RAB5C: variants seen among roughly 807,000 people sequenced by gnomAD.
RAB5C encodes ras-related protein Rab-5C.
In RAB5C, 4 loss-of-function variants were observed where a neutral mutation model predicts 25.2. The observed-to-expected ratio is 0.16, with a 90% CI of 0.08 to 0.36. The LOEUF (loss-of-function observed/expected upper bound fraction) is 0.36, where lower values mean the gene tolerates loss of function less well. Ranked by LOEUF, RAB5C falls within the 10% of genes least tolerant of loss-of-function variation. The pLI, the probability that RAB5C is intolerant of heterozygous loss-of-function variation, is 1.00. For synonymous variants in RAB5C, 100 were observed against 106.4 expected, an observed-to-expected ratio of 0.94 and a Z score of 0.37; for missense variants, 199 against 283.8, an observed-to-expected ratio of 0.70 and a Z score of 2.15.
chr17:42,137,318 A>G (rs1397537354), intron 1 of RAB5C, among the ~76,000 whole-genome samples: 6 of 152,164 alleles, frequency 3.9e-5, no homozygotes, highest in South Asian at 4.2e-4. Context: ...AAAAAAGAAA[A>G]AAAAAAAAAA....
chr17:42,150,729 G>A (rs1020111445), intron 1 of RAB5C, among the ~76,000 whole-genome samples: 121 of 150,898 alleles, frequency 8.0e-4, no homozygotes, highest in African/African-American at 2.7e-3. Context: ...AAAATTAGCC[G>A]GGCATGATGG....
At chr17:42,129,256 C>T (rs1424631829) in intron 2 of RAB5C, among the ~76,000 whole-genome samples, 1 of 152,140 alleles carries the variant, frequency 6.6e-6, no homozygotes, top group Non-Finnish European at 1.5e-5. Flanking sequence ...CCTTGGGTTT[C>T]CTAAGGACAT....
At chr17:42,128,526 A>G in intron 3 of RAB5C, 123 bp downstream of exon 3, 12 of 865,278 alleles carry the variant, frequency 1.4e-5, no homozygotes, top group East Asian at 4.0e-5. Flanking sequence ...CCAAACAGGA[A>G]ATCTGCCCAC....
intron 1 of RAB5C, among the ~76,000 whole-genome samples, chr17:42,150,682 A>G (rs1343728845): frequency 2.0e-5 from 3 of 150,336 alleles, no homozygotes; most frequent in Non-Finnish European, 4.4e-5. Context: ...CCTGGCCAAC[A>G]TGGTCAAACC....
chr17:42,148,808 T>C (rs987126951), intron 1 of RAB5C, among the ~76,000 whole-genome samples: 2 of 152,058 alleles, frequency 1.3e-5, no homozygotes, highest in Non-Finnish European at 2.9e-5. Flanking sequence ...AGCCCAGAGA[T>C]GGGTCAAGGA....
In RAB5C at chr17:42,125,685, C is replaced by T. The variant is rs1281866646; in HGVS notation, c.*98G>A. 4 of 794,678 alleles carry T rather than the reference C, an allele frequency of 5.0e-6. No individual in the cohort carries two copies. Among genetic ancestry groups the T allele is most frequent in the South Asian group, 3.3e-5 (2 of 60,128 alleles). 49.2% of individuals were successfully genotyped at this position (794,678 alleles called of 1,614,324 possible). A position where few individuals can be genotyped will look rare whatever the true frequency, so the allele number is the denominator to read the frequency against. On this transcript the variant is annotated 3_prime_UTR_variant, in exon 6 of 6. Coordinates refer to ENST00000346213, the MANE Select transcript of RAB5C (RefSeq NM_004583.4). ...TGGTGGACCCCTCCCCCTGCCCCCC[C>T]AGTGGTGGCCCGAGTCGTTAAGTGC...
At chr17:42,135,331 C>T (rs2054526405) in intron 1 of RAB5C, among the ~76,000 whole-genome samples, 2 of 149,048 alleles carry the variant, frequency 1.3e-5, no homozygotes, top group Non-Finnish European at 3.0e-5. Flanking sequence ...AATCACGATT[C>T]ACTGCAGCCT....
intron 1 of RAB5C, among the ~76,000 whole-genome samples, chr17:42,152,036 CT>C (rs939188199): frequency 2.0e-5 from 3 of 152,000 alleles, no homozygotes; most frequent in African/African-American, 7.3e-5. Flanking sequence ...AGCTCTACTA[CT>C]TTCTAAATGT....
At chr17:42,150,505 T>C (rs1283638975) in intron 1 of RAB5C, among the ~76,000 whole-genome samples, 34 of 129,014 alleles carry the variant, frequency 2.6e-4, no homozygotes, top group Non-Finnish European at 4.5e-4. Flanking sequence ...GATCACGCCA[T>C]TGCACTCCAG....
intron 1 of RAB5C, among the ~76,000 whole-genome samples, chr17:42,136,994 G>A (rs11079035): frequency 0.28 from 42,916 of 152,142 alleles, 8,331 homozygotes; most frequent in African/African-American, 0.56. Context: ...GAAAAAATGA[G>A]TTTCTATCAA....
In RAB5C at chr17:42,128,762, T is replaced by C; in HGVS notation, c.205A>G (p.Thr69Ala). ...LTQTVCLDDT[T>A]VKFEIWDTAG... is the part of the protein sequence containing the mutation. ...GTGTCCCAGATCTCAAACTTGACTGTTGTGTCATCCAGGCAGACAGTCTGT... is the reference window on the plus strand; with the variant it reads ...GTGTCCCAGATCTCAAACTTGACTGCTGTGTCATCCAGGCAGACAGTCTGT... Residue 69 changes from threonine (T) to alanine (A), a missense_variant, in exon 3 of 6, where the codon ACA becomes GCA. By Grantham distance (58) the Thr-to-Ala change is moderately conservative (BLOSUM62 0). Around this residue, in one of 3 missense-constraint regions of RAB5C, gnomAD observed 154 missense variants for 199.6 expected, o/e 0.77. Transcript: ENST00000346213. 1 of 1,580,626 alleles carries C rather than the reference T, an allele frequency of 6.3e-7. No homozygotes were observed.
rs1308221552 is a variant in RAB5C, at chr17:42,128,702, TG to T, written c.264del (p.Met89CysfsTer28). 3 of 1,562,956 alleles carry T rather than the reference TG, an allele frequency of 1.9e-6. No homozygotes were observed. The highest frequency in any genetic ancestry group is 2.6e-6 in the Non-Finnish European group (3 of 1,157,004). On this transcript the variant is annotated frameshift_variant, in exon 3 of 6. Transcript: ENST00000346213. LOFTEE classifies it high-confidence loss of function. ...AGQERYHSLA[P>X]MYYRGAQAAI... ...GCAGCCTGGGCCCCCCGATAGTACA[TG>T]GGGGCCAGGCTGTGATACCGCTCCT...
intron 1 of RAB5C, among the ~76,000 whole-genome samples, chr17:42,147,541 T>C (rs1488937770): frequency 6.6e-6 from 1 of 152,224 alleles, no homozygotes; most frequent in African/African-American, 2.4e-5. Context: ...CGCGCCCTCA[T>C]TGTCCCATTA....
intron 1 of RAB5C, among the ~76,000 whole-genome samples, chr17:42,133,915 T>G (rs1440561185): frequency 6.6e-6 from 1 of 152,182 alleles, no homozygotes; most frequent in Non-Finnish European, 1.5e-5. Context: ...CTCCCTGGCA[T>G]GAACTAGCTG....
chr17:42,125,649 T>C lies in RAB5C; in HGVS notation c.*134A>G, dbSNP rs1342657957. Reference sequence around the variant, plus strand: ...ACTCCGGCCTATGATCAAAATTATATGGAGAAATCATGGTGGACCCCTCCC... The same window carrying C: ...ACTCCGGCCTATGATCAAAATTATACGGAGAAATCATGGTGGACCCCTCCC... On this transcript the variant is annotated 3_prime_UTR_variant, in exon 6 of 6. Transcript: ENST00000346213. The C allele has an allele frequency of 3.2e-6, 2 of 618,450 alleles. No individual in the cohort carries two copies. The highest frequency in any genetic ancestry group is 1.8e-5 in the African/African-American group (1 of 54,386). The allele number at this position is 618,450 out of a possible 1,614,324, so 38.3% of individuals were successfully genotyped here. A position where few individuals can be genotyped will look rare whatever the true frequency, so the allele number is the denominator to read the frequency against.
At position 42,125,570 on chromosome 17, in the gene RAB5C, T is replaced by G; in HGVS notation, c.*213A>C. 1 of 537,080 alleles carries G rather than the reference T, an allele frequency of 1.9e-6. No individual in the cohort carries two copies. Among genetic ancestry groups the G allele is most frequent in the Non-Finnish European group, 3.3e-6 (1 of 302,284 alleles). 33.3% of individuals were successfully genotyped at this position (537,080 alleles called of 1,614,324 possible). ...GATCATATATATTAAAAAAGTGACTTAAGACTTAAAATTGAATTAGTATTT... is the reference window on the plus strand; with the variant it reads ...GATCATATATATTAAAAAAGTGACTGAAGACTTAAAATTGAATTAGTATTT... On this transcript the variant is annotated 3_prime_UTR_variant, in exon 6 of 6. Coordinates refer to ENST00000346213, the MANE Select transcript of RAB5C (RefSeq NM_004583.4).
chr17:42,154,023 G>T (rs1351849680), intron 1 of RAB5C, among the ~76,000 whole-genome samples: 2 of 152,082 alleles, frequency 1.3e-5, no homozygotes, highest in Admixed American at 1.3e-4. Flanking sequence ...CCTCATTTTG[G>T]GTCTTATTCT....
At position 42,139,441 on chromosome 17, in the gene RAB5C, A is replaced by T. The variant is rs189183655; in HGVS notation, c.-88-8851T>A. 5.0e-3 allele frequency among the ~76,000 whole-genome samples: 755 copies of T among 152,300 alleles called. 2 individuals are homozygous for T. The highest frequency in any genetic ancestry group is 0.014 in the Admixed American group (210 of 15,302). ...CTAAGAGGGCCCAGTGTCTAACAGC[A>T]CACCTCAGTCAGCAAGGTTGTGGCA... On this transcript the variant is annotated intron_variant, in intron 1 of 5. Transcript: ENST00000346213.
rs10553272 is a variant in RAB5C, at chr17:42,140,515, ATTTTTTTTTTTTTT to A, written c.-88-9939_-88-9926del. ...TATATATATATATATATATATATAT[ATTTTTTTTTTTTTT>A]TTTTTTTTTTTTGAGATGGAGTCTC... On this transcript the variant is annotated intron_variant, in intron 1 of 5. Coordinates refer to ENST00000346213, the MANE Select transcript of RAB5C (RefSeq NM_004583.4). 3.6e-3 allele frequency among the ~76,000 whole-genome samples: 97 copies of A among 26,602 alleles called. 1 individual carries two copies. The highest frequency in any genetic ancestry group is 0.014 in the African/African-American group (95 of 6,690). 17.5% of individuals were successfully genotyped at this position (26,602 alleles called of 152,430 possible).
Sources: gnomAD v4.1 joint callset for allele counts (sites outside exome capture counted in the v4.1 genomes callset) on GRCh38, gnomAD v4.1.1 for gene constraint, gnomAD v4.1.1 regional missense constraint, MANE v1.5 for transcripts, NCBI Gene and HGNC (gene_info 2026-07-23, HGNC 2026-07-21) for gene names.